NDFIP2: variants seen among roughly 807,000 people sequenced by gnomAD.
The protein encoded by NDFIP2 is NEDD4 family-interacting protein 2.
In NDFIP2, 19 loss-of-function variants were observed where a neutral mutation model predicts 36.0. That is an observed-to-expected ratio of 0.53 (90% CI 0.37 to 0.77). The LOEUF (loss-of-function observed/expected upper bound fraction) is 0.77. NDFIP2 is among the 30% of genes least tolerant of loss of function. The pLI is 0.00. For missense variants in NDFIP2, 446 were observed against 435.8 expected, an observed-to-expected ratio of 1.02 and a Z score of -0.21; for synonymous variants, 181 against 167.7, an observed-to-expected ratio of 1.08 and a Z score of -0.61.
chr13:79,546,229 AT>A (rs1875674454), intron 5 of NDFIP2, among the ~76,000 whole-genome samples: 1 of 152,090 alleles, frequency 6.6e-6, no homozygotes, highest in African/African-American at 2.4e-5. Flanking sequence ...ACAATAAGTA[AT>A]TTATAAATCA....
intron 1 of NDFIP2, among the ~76,000 whole-genome samples, chr13:79,513,963 G>T (rs192373699): frequency 3.9e-5 from 6 of 152,140 alleles, no homozygotes. Flanking sequence ...GTGCCATATA[G>T]AGCATGTTGT....
At chr13:79,546,991 G>A (rs974566401) in intron 5 of NDFIP2, among the ~76,000 whole-genome samples, 1 of 151,734 alleles carries the variant, frequency 6.6e-6, no homozygotes, top group Non-Finnish European at 1.5e-5. Context: ...GTGTACATGG[G>A]ATTTATGTTT....
At chr13:79,525,714 A>G (rs1471140408) in intron 2 of NDFIP2, among the ~76,000 whole-genome samples, 4 of 152,216 alleles carry the variant, frequency 2.6e-5, no homozygotes, top group Admixed American at 6.5e-5. Context: ...AGATTTTATC[A>G]TGATATTCAG....
At chr13:79,529,184 G>A (rs1318805157) in intron 2 of NDFIP2, among the ~76,000 whole-genome samples, 1 of 152,192 alleles carries the variant, frequency 6.6e-6, no homozygotes, top group Non-Finnish European at 1.5e-5. Context: ...CTAAGAGGAG[G>A]ATTTGGAGCT....
chr13:79,520,302 C>G (rs1166426810), intron 1 of NDFIP2, among the ~76,000 whole-genome samples: 2 of 152,106 alleles, frequency 1.3e-5, no homozygotes, highest in Non-Finnish European at 2.9e-5. Flanking sequence ...AGGATTTTTG[C>G]TTTTCTTTGT....
Position 79,510,537 on chromosome 13 carries a change from G to T in NDFIP2, c.322-10273G>T, listed in dbSNP as rs111976436. Among the ~76,000 whole-genome samples the T allele has an allele frequency of 5.9e-5, 9 of 152,162 alleles. 2 individuals carry two copies. The highest frequency in any genetic ancestry group is 2.2e-4 in the African/African-American group (9 of 41,524). ...AAAATTTATGAAGATACACACAGGGGAGAACCACAGAGTGATTACTGCCAA... is the reference window on the plus strand; with the variant it reads ...AAAATTTATGAAGATACACACAGGGTAGAACCACAGAGTGATTACTGCCAA... On this transcript the variant is annotated intron_variant, in intron 1 of 7. Transcript: ENST00000218652.
intron 1 of NDFIP2, 122 bp downstream of exon 1, chr13:79,481,646 T>G: frequency 3.2e-6 from 4 of 1,235,414 alleles, no homozygotes; most frequent in Non-Finnish European, 4.4e-6. Context: ...TTTTGTTTTG[T>G]TTTTTTGGAT....
chr13:79,489,348 C>T (rs1873137384), intron 1 of NDFIP2, among the ~76,000 whole-genome samples: 1 of 152,174 alleles, frequency 6.6e-6, no homozygotes, highest in Non-Finnish European at 1.5e-5. Flanking sequence ...CCTTGGCTTC[C>T]CACAGCATAG....
chr13:79,512,300 T>G (rs893866975), intron 1 of NDFIP2, among the ~76,000 whole-genome samples: 1 of 152,188 alleles, frequency 6.6e-6, no homozygotes, highest in Non-Finnish European at 1.5e-5. Flanking sequence ...ACTTAAAAAT[T>G]TAAATTGTTT....
chr13:79,482,422 A>G (rs1441056237), intron 1 of NDFIP2, among the ~76,000 whole-genome samples: 2 of 152,150 alleles, frequency 1.3e-5, no homozygotes, highest in African/African-American at 4.8e-5. Flanking sequence ...AACCTTAGTT[A>G]AAGATGGACT....
At chr13:79,514,937 A>G (rs1874221806) in intron 1 of NDFIP2, among the ~76,000 whole-genome samples, 1 of 152,214 alleles carries the variant, frequency 6.6e-6, no homozygotes, top group Non-Finnish European at 1.5e-5. Flanking sequence ...ATTGGAGCTC[A>G]TGGTGCTCTT....
intron 1 of NDFIP2, among the ~76,000 whole-genome samples, chr13:79,518,772 A>T (rs1404611619): frequency 1.3e-5 from 2 of 152,202 alleles, no homozygotes; most frequent in Non-Finnish European, 2.9e-5. Flanking sequence ...CCTAAAAGGT[A>T]GAGCAAAAAT....
At chr13:79,527,003 A>G (rs1874822418) in intron 2 of NDFIP2, among the ~76,000 whole-genome samples, 2 of 152,204 alleles carry the variant, frequency 1.3e-5, no homozygotes, top group African/African-American at 4.8e-5. Flanking sequence ...GTCCACAGTC[A>G]TGTTTTATAA....
At chr13:79,544,302 T>A (rs2137113915) in intron 5 of NDFIP2, among the ~76,000 whole-genome samples, 1 of 152,266 alleles carries the variant, frequency 6.6e-6, no homozygotes, top group East Asian at 1.9e-4. Flanking sequence ...TGTTGTTCCC[T>A]GAAGTCACCC....
At chr13:79,497,787 CT>C (rs1873494708) in intron 1 of NDFIP2, among the ~76,000 whole-genome samples, 1 of 100,874 alleles carries the variant, frequency 9.9e-6, no homozygotes, top group Non-Finnish European at 2.0e-5. Context: ...AATCCTTTAT[CT>C]GTGGGGGGTG....
intron 2 of NDFIP2, among the ~76,000 whole-genome samples, chr13:79,525,807 G>A (rs915464655): frequency 6.6e-6 from 1 of 152,168 alleles, no homozygotes; most frequent in African/African-American, 2.4e-5. Context: ...CGACCTTGGG[G>A]TCACTGAAAC....
intron 1 of NDFIP2, among the ~76,000 whole-genome samples, chr13:79,485,165 A>G (rs979925651): frequency 9.9e-5 from 15 of 152,154 alleles, no homozygotes; most frequent in Admixed American, 8.5e-4. Context: ...GTGGGTTTGC[A>G]TCACAGCTGA....
In NDFIP2 at chr13:79,481,313, C is replaced by T; in HGVS notation, c.110C>T (p.Ser37Leu). The T allele has an allele frequency of 6.5e-7, 1 of 1,542,618 alleles. No homozygotes were observed. Among genetic ancestry groups the T allele is most frequent in the Non-Finnish European group, 8.7e-7 (1 of 1,146,628 alleles). The change falls in exon 1 of 8, where the codon TCG becomes TTG. Residue 37 changes from serine to leucine, a missense_variant. By Grantham distance (145) the Ser-to-Leu change is moderately radical. This residue lies in a region of NDFIP2 where 369 missense variants were observed against 304.8 expected (regional missense o/e 1.21). Coordinates refer to ENST00000218652, the MANE Select transcript of NDFIP2 (RefSeq NM_019080.3). ...LRGTATNAEV[S>L]AAAAGATGSE... is the part of the protein sequence containing the mutation. ...GGAACCGCGACCAACGCGGAGGTCT[C>T]GGCGGCCGCTGCGGGAGCCACAGGA...
In NDFIP2 at chr13:79,503,990, C is replaced by T. The variant is rs151160702; in HGVS notation, c.322-16820C>T. On this transcript the variant is annotated intron_variant, in intron 1 of 7. Coordinates refer to ENST00000218652, the MANE Select transcript of NDFIP2 (RefSeq NM_019080.3). ...GGATTAGCACCCTTATTTGAGAGGG[C>T]TTTGAGGGATGTAGTGCCATTCATG... Among the ~76,000 whole-genome samples the T allele has an allele frequency of 8.5e-5, 13 of 152,132 alleles. No homozygotes were observed. The East Asian group carries it at 2.5e-3, about 29-fold the overall frequency.
Sources: gnomAD v4.1 joint callset for allele counts (sites outside exome capture counted in the v4.1 genomes callset) on GRCh38, gnomAD v4.1.1 for gene constraint, gnomAD v4.1.1 regional missense constraint, MANE v1.5 for transcripts, NCBI Gene and HGNC (gene_info 2026-07-23, HGNC 2026-07-21) for gene names.